TRAF1: variants seen among roughly 807,000 people sequenced by gnomAD.
The protein encoded by TRAF1 is TNF receptor associated factor 1.
A neutral mutation model predicts 40.9 loss-of-function variants in TRAF1; 23 were observed. The ratio of observed to expected loss-of-function variants is 0.56; its 90% CI spans 0.40 to 0.80. The LOEUF (loss-of-function observed/expected upper bound fraction) is 0.80, where lower values mean the gene tolerates loss of function less well. Among genes scored for constraint, TRAF1 ranks in the 30% least tolerant of loss-of-function variants. The pLI is 0.00. For synonymous variants in TRAF1, 206 were observed against 218.8 expected (o/e 0.94, Z 0.52); for missense variants, 477 against 528.7 (o/e 0.90, Z 0.96).
In TRAF1 at chr9:120,905,122, TC is replaced by T; in HGVS notation, c.1148del (p.Gly383AspfsTer19). On this transcript the variant is annotated frameshift_variant, in exon 8 of 8. Transcript: ENST00000373887. LOFTEE classifies it high-confidence loss of function. The part of the protein sequence containing the change: ...RPQSETNVAS[G>X]CPLFFPLSKL... ...TGCTGAGGGGGAAGAAGAGTGGGCA[TC>T]CACTGGCCACGTTGGTTTCACTCTG... 6.2e-7 allele frequency: 1 copy of T among 1,614,242 alleles called. No individual in the cohort carries two copies. The highest frequency in any genetic ancestry group is 1.1e-5 in the South Asian group (1 of 91,082).
Position 120,909,351 on chromosome 9 carries a change from T to G in TRAF1, c.911A>C (p.Lys304Thr). The G allele has an allele frequency of 6.2e-7, 1 of 1,614,092 alleles. No individual in the cohort carries two copies. Among genetic ancestry groups the G allele is most frequent in the Non-Finnish European group, 8.5e-7 (1 of 1,180,034 alleles). The change falls in exon 7 of 8, where the codon AAG becomes ACG. Residue 304 changes from lysine (K) to threonine (T), a missense_variant. Transcript: ENST00000373887. The part of the protein sequence containing the change: ...PAFYTAKYGY[K>T]LCLRLYLNGD... ...ATTCAGGTACAGCCGCAGGCACAAC[T>G]TGTAGCCATACTTGGCAGTGTAGAA...
intron 7 of TRAF1, among the ~76,000 whole-genome samples, chr9:120,905,550 T>C (rs921990345): frequency 6.6e-6 from 1 of 152,138 alleles, no homozygotes; most frequent in Non-Finnish European, 1.5e-5. Context: ...GACTGGCTGT[T>C]GGGGGCAGAG....
rs371039591 is a variant in TRAF1, at chr9:120,905,070, C to G, written c.1201G>C (p.Val401Leu). 6.2e-7 allele frequency: 1 copy of G among 1,614,254 alleles called. No individual in the cohort carries two copies. The highest frequency in any genetic ancestry group is 8.5e-7 in the Non-Finnish European group (1 of 1,180,050). Residue 401 changes from valine (V) to leucine (L), a missense_variant, in exon 8 of 8, where the codon GTG becomes CTG. Physicochemically the swap from Val to Leu is conservative, Grantham distance 32. Transcript: ENST00000373887. ...TTGAGGAACATTGTGTCGTCCTTCA[C>G]GTAGGCGTGCTTGGGTGACTGCAGT... ...SKLQSPKHAY[V>L]KDDTMFLKCI...
At chr9:120,923,860 A>G in intron 2 of TRAF1, 68 bp from the exon 3 acceptor site, 3 of 1,382,782 alleles carry the variant, frequency 2.2e-6, no homozygotes, top group Non-Finnish European at 3.1e-6. Context: ...CTCTCCTGAC[A>G]GCTCCAGAAG....
intron 7 of TRAF1, among the ~76,000 whole-genome samples, chr9:120,908,621 G>A (rs139409151): frequency 0.023 from 3,539 of 151,954 alleles, 130 homozygotes; most frequent in African/African-American, 0.081. Flanking sequence ...GTGCAGTGGC[G>A]CTATCTTGGC....
rs75115807 is a variant in TRAF1, at chr9:120,909,403, T to G, written c.884-25A>C. The stretch of plus-strand genomic sequence containing the variant: ...GCTGAAACGCAGAAGCCAGAGGCAG[T>G]TGGGAAGTGCTGGACTTTGCAGATG... On this transcript the variant is annotated intron_variant, in intron 6 of 7. Coordinates refer to ENST00000373887, the MANE Select transcript of TRAF1 (RefSeq NM_005658.5). The G allele has an allele frequency of 5.0e-6, 8 of 1,609,558 alleles. No homozygotes were observed. In the East Asian group the frequency reaches 1.6e-4, roughly 31 times the overall value.
At chr9:120,923,623 G>A (rs767110821) in intron 3 of TRAF1, 82 bp downstream of exon 3, 4 of 1,331,094 alleles carry the variant, frequency 3.0e-6, no homozygotes, top group Non-Finnish European at 4.3e-6. Flanking sequence ...TGCCAGGGGT[G>A]GAGTGGGCAG....
At chr9:120,909,079 A>T in intron 7 of TRAF1, 151 bp downstream of exon 7, 1 of 940,702 alleles carries the variant, frequency 1.1e-6, no homozygotes, top group Non-Finnish European at 1.6e-6. Context: ...AGCCCTAGTT[A>T]CTAGATCTGA....
At chr9:120,915,679 T>G (rs1470615796) in intron 3 of TRAF1, among the ~76,000 whole-genome samples, 1 of 151,886 alleles carries the variant, frequency 6.6e-6, no homozygotes, top group Non-Finnish European at 1.5e-5. Flanking sequence ...TTAAAAAAAT[T>G]TTTTAATTAG....
At position 120,902,514 on chromosome 9, in the gene TRAF1, G is replaced by T. The variant is rs879579163; in HGVS notation, c.*2506C>A. The T allele has an allele frequency of 2.6e-3, 372 of 144,132 alleles. 2 individuals are homozygous for T. Among genetic ancestry groups the T allele is most frequent in the African/African-American group, 9.7e-3 (351 of 36,344 alleles). 8.9% of individuals were successfully genotyped at this position (144,132 alleles called of 1,614,324 possible). On this transcript the variant is annotated 3_prime_UTR_variant, in exon 8 of 8. Transcript: ENST00000373887. ...GCTCTGTGGGCAGGGCGGGGGGTGG[G>T]GGGGGGGGCGGTGGGCACTGCTGCA...
At chr9:120,911,661 C>T in intron 5 of TRAF1, 148 bp from the exon 6 acceptor site, 3 of 901,872 alleles carry the variant, frequency 3.3e-6, no homozygotes, top group South Asian at 1.8e-5. Context: ...TGTGCTGCCC[C>T]CTGCCTGGCC....
Position 120,913,317 on chromosome 9 carries a change from C to A in TRAF1, c.705+11G>T. The A allele has an allele frequency of 6.3e-7, 1 of 1,588,266 alleles. No homozygotes were observed. The highest frequency in any genetic ancestry group is 1.1e-5 in the South Asian group (1 of 88,128). ...GCCGGGCTTGAAGGCAAACCTGCCT[C>A]CCACACTCACCCTCTGCTCCAAGCT... On this transcript the variant is annotated intron_variant, in intron 5 of 7. Coordinates refer to ENST00000373887, the MANE Select transcript of TRAF1 (RefSeq NM_005658.5).
chr9:120,908,573 T>C (rs1226192962), intron 7 of TRAF1, among the ~76,000 whole-genome samples: 2 of 152,286 alleles, frequency 1.3e-5, no homozygotes, highest in Non-Finnish European at 2.9e-5. Context: ...TTCTTTTTTT[T>C]TTCTGAGATG....
At chr9:120,908,446 G>A (rs2046499928) in intron 7 of TRAF1, among the ~76,000 whole-genome samples, 1 of 152,126 alleles carries the variant, frequency 6.6e-6, no homozygotes, top group African/African-American at 2.4e-5. Flanking sequence ...TTGGTCTCCT[G>A]CTATATCTCA....
intron 7 of TRAF1, among the ~76,000 whole-genome samples, chr9:120,905,755 A>G (rs10435843): frequency 0.69 from 104,500 of 152,164 alleles, 36,180 homozygotes; most frequent in South Asian, 0.82. Context: ...TATACACAGC[A>G]CAGACGGAGG....
At chr9:120,909,480 A>G in intron 6 of TRAF1, 102 bp from the exon 7 acceptor site, 5 of 1,400,706 alleles carry the variant, frequency 3.6e-6, no homozygotes, top group African/African-American at 1.4e-5. Flanking sequence ...GCTCAAAACC[A>G]TGAAAGATGG....
chr9:120,917,514 T>C (rs1018908243), intron 3 of TRAF1, among the ~76,000 whole-genome samples: 1 of 152,234 alleles, frequency 6.6e-6, no homozygotes, highest in Admixed American at 6.5e-5. Context: ...TACCCATTGC[T>C]GCTGTAACAA....
upstream of TRAF1, chr9:120,928,722 C>G (rs2131639976): frequency 6.6e-6 from 1 of 152,366 alleles, no homozygotes; most frequent in South Asian, 2.1e-4. Context: ...CTGGGCGCCC[C>G]GCTCTGTGAT....
At chr9:120,924,281 T>C (rs1225234702) in intron 2 of TRAF1, among the ~76,000 whole-genome samples, 1 of 152,190 alleles carries the variant, frequency 6.6e-6, no homozygotes, top group Non-Finnish European at 1.5e-5. Context: ...TGTTTAGTAA[T>C]TACAGAGGAT....
Sources: allele counts gnomAD v4.1 joint callset (sites outside exome capture counted in the v4.1 genomes callset), GRCh38; gene constraint gnomAD v4.1.1; transcripts MANE v1.5; gene names NCBI Gene and HGNC (gene_info 2026-07-23, HGNC 2026-07-21).